The following ZCWPW1 variants were observed in gnomAD, a reference collection of about 807,000 sequenced individuals.
ZCWPW1 encodes zinc finger CW-type and PWWP domain containing 1.
A neutral mutation model predicts 81.3 loss-of-function variants in ZCWPW1; 56 were observed. The observed-to-expected ratio is 0.69, with a 90% CI of 0.56 to 0.86. ZCWPW1 has a LOEUF of 0.86. Among genes scored for constraint, ZCWPW1 ranks in the 40% least tolerant of loss-of-function variants. ZCWPW1 has a pLI of 0.00. For missense variants in ZCWPW1, 650 were observed against 769.8 expected (o/e 0.84, Z 1.84); for synonymous variants, 250 against 273.7 (o/e 0.91, Z 0.86).
At chr7:100,412,590 TA>T (rs534007005) in intron 8 of ZCWPW1, among the ~76,000 whole-genome samples, 248 of 152,300 alleles carry the variant, frequency 1.6e-3, no homozygotes, top group African/African-American at 5.6e-3. Flanking sequence ...TTTTTTTATT[TA>T]TTTTTTTTGA....
chr7:100,407,304 C>G lies in ZCWPW1; in HGVS notation c.993-1G>C. On this transcript the variant is annotated splice_acceptor_variant, in intron 10 of 17. Transcript: ENST00000684423. LOFTEE classifies it high-confidence loss of function. The stretch of plus-strand genomic sequence containing the variant: ...ATCAGATTCTATCATGCCTGGCCAC[C>G]TGGAGAAGATAGTTGGGTGTAGGGG... 6.2e-7 allele frequency: 1 copy of G among 1,613,332 alleles called. No individual in the cohort carries two copies. The highest frequency in any genetic ancestry group is 8.5e-7 in the Non-Finnish European group (1 of 1,179,616).
chr7:100,416,455 C>T lies in ZCWPW1; in HGVS notation c.481G>A (p.Glu161Lys). The part of the protein sequence containing the change: ...SATDTDNANG[E>K]EVPHTQEISV... Reference sequence around the variant, plus strand: ...ATCTCTTGAGTATGTGGTACCTCCTCTCTGAAAATGAGGTTTTATTTTAAT... The same window carrying T: ...ATCTCTTGAGTATGTGGTACCTCCTTTCTGAAAATGAGGTTTTATTTTAAT... The change falls in exon 7 of 18, where the codon GAG becomes AAG. Residue 161 changes from glutamate to lysine, a missense_variant and splice_region_variant. Coordinates refer to ENST00000684423, the MANE Select transcript of ZCWPW1 (RefSeq NM_001386010.1). 6.2e-7 allele frequency: 1 copy of T among 1,612,584 alleles called. No individual in the cohort carries two copies. Among genetic ancestry groups the T allele is most frequent in the Non-Finnish European group, 8.5e-7 (1 of 1,179,450 alleles).
intron 1 of ZCWPW1, among the ~76,000 whole-genome samples, chr7:100,427,164 TCTC>T (rs1194072278): frequency 3.4e-4 from 5 of 14,684 alleles, no homozygotes; most frequent in African/African-American, 3.7e-4. Flanking sequence ...CCTCCCTCTC[TCTC>T]TTCTCCTTCC....
chr7:100,406,613 T>C (rs752969159), intron 12 of ZCWPW1, 81 bp downstream of exon 12: 1,145 of 1,332,156 alleles, frequency 8.6e-4, no homozygotes, highest in Non-Finnish European at 1.1e-3. Flanking sequence ...CCGACATGGC[T>C]TACCCTGGGA....
intron 8 of ZCWPW1, 56 bp downstream of exon 8, chr7:100,415,919 T>C: frequency 6.2e-7 from 1 of 1,610,752 alleles, no homozygotes. Context: ...ACCCTGCCTC[T>C]CTGCTCTATT....
In ZCWPW1 at chr7:100,416,099, TG is replaced by T. The variant is rs772551586; in HGVS notation, c.632-3del. 8.7e-6 allele frequency: 14 copies of T among 1,613,434 alleles called. No homozygotes were observed. In the South Asian group the frequency reaches 1.2e-4, roughly 14 times the overall value. ...GAGTTTTCTCCACCTTCTCATCTTCTGGGAAGAAAAAAGAAAACGTGAGGTG... is the reference window on the plus strand; with the variant it reads ...GAGTTTTCTCCACCTTCTCATCTTCTGGAAGAAAAAAGAAAACGTGAGGTG... On this transcript the variant is annotated splice_polypyrimidine_tract_variant and splice_region_variant and intron_variant, in intron 7 of 17. Transcript: ENST00000684423.
intron 15 of ZCWPW1, 31 bp from the exon 16 acceptor site, chr7:100,402,607 G>T: frequency 1.2e-6 from 2 of 1,603,522 alleles, no homozygotes; most frequent in South Asian, 1.1e-5. Context: ...TTAAAAAAAT[G>T]ATAAATCAAG....
intron 16 of ZCWPW1, 66 bp from the exon 17 acceptor site, chr7:100,402,107 G>A: frequency 1.3e-6 from 2 of 1,532,764 alleles, no homozygotes; most frequent in African/African-American, 2.7e-5. Context: ...GATGGACACT[G>A]CACATTGAGT....
intron 11 of ZCWPW1, 140 bp downstream of exon 11, chr7:100,407,088 G>T: frequency 1.3e-6 from 1 of 740,804 alleles, no homozygotes. Context: ...ACTTATCTCT[G>T]TGTTTGTCAT....
chr7:100,408,797 C>T, intron 9 of ZCWPW1, 138 bp from the exon 10 acceptor site: 1 of 1,007,116 alleles, frequency 9.9e-7, no homozygotes, highest in Non-Finnish European at 1.4e-6. Context: ...GAGATCAGCA[C>T]AGAGGAAGAA....
chr7:100,408,609 C>G lies in ZCWPW1; in HGVS notation c.922G>C (p.Glu308Gln), dbSNP rs761312904. 2 of 1,614,092 alleles carry G rather than the reference C, an allele frequency of 1.2e-6. No homozygotes were observed. Among genetic ancestry groups the G allele is most frequent in the Non-Finnish European group, 1.7e-6 (2 of 1,179,990 alleles). The change falls in exon 10 of 18, where the codon GAG becomes CAG. Residue 308 changes from glutamate (E) to glutamine (Q), a missense_variant. Transcript: ENST00000684423. ...DIPEETWTGL[E>Q]SDVAYASYIP... ...TAGGAGGCATAGGCCACATCACTCT[C>G]AAGCCCTGTCCAGGTCTCCTCAGGA...
intron 14 of ZCWPW1, 70 bp from the exon 15 acceptor site, chr7:100,403,855 A>G: frequency 4.9e-6 from 7 of 1,439,420 alleles, no homozygotes; most frequent in Non-Finnish European, 6.8e-6. Context: ...GAAGCTGATC[A>G]CAAAGAATCT....
chr7:100,426,375 T>G (rs527908963), intron 1 of ZCWPW1, among the ~76,000 whole-genome samples: 1 of 151,024 alleles, frequency 6.6e-6, no homozygotes, highest in African/African-American at 2.4e-5. Context: ...GCCTGTAATC[T>G]CAGCTACTTG....
rs562872350 is a variant in ZCWPW1 at position 100,428,699 on chromosome 7, T to A, written c.-268A>T. On this transcript the variant is annotated 5_prime_UTR_variant, in exon 1 of 18. The change abolishes an upstream ATG in the 5' untranslated region. Transcript: ENST00000684423. ...ACGGCGTAGACTCGCTTCTTCCTCA[T>A]TGGCAGAAGCTGGGGGGGCCCAGCG... 6.6e-6 allele frequency: 1 copy of A among 152,248 alleles called. No homozygotes were observed. Among genetic ancestry groups the A allele is most frequent in the East Asian group, 1.9e-4 (1 of 5,182 alleles). 9.4% of individuals were successfully genotyped at this position (152,248 alleles called of 1,614,324 possible).
intron 8 of ZCWPW1, among the ~76,000 whole-genome samples, chr7:100,413,415 T>G (rs191441023): frequency 3.3e-4 from 50 of 152,344 alleles, no homozygotes; most frequent in African/African-American, 1.1e-3. Context: ...CTTGGATAAC[T>G]TCTACTCTGC....
chr7:100,402,253 TCTC>T (rs1377460008), intron 16 of ZCWPW1: 2 of 806,842 alleles, frequency 2.5e-6, no homozygotes, highest in Non-Finnish European at 4.2e-6. Flanking sequence ...TCTTTACAGT[TCTC>T]CTCAGAGTCT....
intron 4 of ZCWPW1, 133 bp from the exon 5 acceptor site, chr7:100,419,322 G>A: frequency 2.5e-6 from 2 of 795,106 alleles, no homozygotes; most frequent in South Asian, 3.7e-5. Flanking sequence ...CATACCTAAG[G>A]AGGCCATGAA....
chr7:100,406,814 ATCCTGTTACGGACTCCTGTCCTGC>A lies in ZCWPW1; in HGVS notation c.1069-40_1069-17del, dbSNP rs1196168164. 6.2e-7 allele frequency: 1 copy of A among 1,609,806 alleles called. No individual in the cohort carries two copies. The highest frequency in any genetic ancestry group is 2.2e-5 in the East Asian group (1 of 44,850). On this transcript the variant is annotated splice_polypyrimidine_tract_variant and intron_variant, in intron 11 of 17. Transcript: ENST00000684423. The stretch of plus-strand genomic sequence containing the variant: ...GGTACTTAGACTGAAATAAAAGATG[ATCCTGTTACGGACTCCTGTCCTGC>A]TCCCTGCTTTTCTCCTCTAGCCAGA...
In ZCWPW1 at chr7:100,407,073, T is replaced by A. The variant is rs139991769; in HGVS notation, c.1068+155A>T. On this transcript the variant is annotated intron_variant, in intron 11 of 17. Transcript: ENST00000684423. ...TACAAGTTTGTTTCTATTATATGTG[T>A]GAGCACTTATCTCTGTGTTTGTCAT... 1.1e-4 allele frequency among the ~76,000 whole-genome samples: 17 copies of A among 152,354 alleles called. No individual in the cohort carries two copies. In the East Asian group the frequency reaches 3.1e-3, roughly 28 times the overall value.
Sources: gnomAD v4.1 joint callset for allele counts (sites outside exome capture counted in the v4.1 genomes callset) on GRCh38, gnomAD v4.1.1 for gene constraint, MANE v1.5 for transcripts, NCBI Gene and HGNC (gene_info 2026-07-23, HGNC 2026-07-21) for gene names.